Variants in SPTA1 observed in about 807,000 individuals in gnomAD.
SPTA1 encodes spectrin alpha chain, erythrocytic 1.
SPTA1 carries 177 observed loss-of-function variants against 324.7 expected under a neutral mutation model. The ratio of observed to expected loss-of-function variants is 0.55; its 90% CI spans 0.48 to 0.62. The LOEUF is 0.62. Among genes scored for constraint, SPTA1 ranks in the 20% least tolerant of loss-of-function variants. The probability of loss-of-function intolerance (pLI) is 0.00; values close to 1 mark genes in which losing one functional copy is unlikely to be tolerated. For missense variants in SPTA1, 3,162 were observed against 2,883.6 expected, an observed-to-expected ratio of 1.10 and a Z score of -2.21; for synonymous variants, 1,195 against 1,041.3, an observed-to-expected ratio of 1.15 and a Z score of -2.84.
chr1:158,649,786 T>C (rs960739526), intron 25 of SPTA1, 70 bp downstream of exon 25: 30 of 1,245,456 alleles, frequency 2.4e-5, no homozygotes, highest in South Asian at 3.7e-5. Context: ...GGTTCCACCA[T>C]AGTAATAGAC....
At chr1:158,675,957 G>A (rs1460521519) in intron 8 of SPTA1, among the ~76,000 whole-genome samples, 184 bp downstream of exon 8, 1 of 152,116 alleles carries the variant, frequency 6.6e-6, no homozygotes, top group East Asian at 1.9e-4. Context: ...AGATAAGGGG[G>A]TGCTACTATA....
At chr1:158,651,495 G>C in intron 23 of SPTA1, 27 bp from the exon 24 acceptor site, 1 of 1,478,622 alleles carries the variant, frequency 6.8e-7, no homozygotes, top group Non-Finnish European at 9.5e-7. Flanking sequence ...ATCCAAAGCA[G>C]TGTAAATTCA....
At chr1:158,655,800 T>G (rs1652787250) in intron 20 of SPTA1, among the ~76,000 whole-genome samples, 1 of 152,202 alleles carries the variant, frequency 6.6e-6, no homozygotes, top group Admixed American at 6.5e-5. Flanking sequence ...AGTTTTGCCC[T>G]GTACCTGAGC....
At position 158,662,609 on chromosome 1, in the gene SPTA1, C is replaced by T. The variant is rs927620652; in HGVS notation, c.2464+93G>A. On this transcript the variant is annotated intron_variant, in intron 17 of 51. Transcript: ENST00000643759. The stretch of plus-strand genomic sequence containing the variant: ...GTGAGAAGAAACAGCTAAGAGCAAG[C>T]TTTCTAGACTCCAACTACTGTACCC... 1.7e-5 allele frequency: 26 copies of T among 1,571,550 alleles called. 1 individual carries two copies. In the South Asian group the frequency reaches 2.8e-4, roughly 17 times the overall value.
Position 158,620,451 on chromosome 1 carries a change from C to T in SPTA1, c.6136G>A (p.Val2046Met), listed in dbSNP as rs202105292. 6.3e-5 allele frequency: 101 copies of T among 1,612,926 alleles called. No homozygotes were observed. The highest frequency in any genetic ancestry group is 1.6e-4 in the East Asian group (7 of 44,882). The change falls in exon 44 of 52, where the codon GTG becomes ATG. Residue 2046 changes from valine to methionine, a missense_variant. Transcript: ENST00000643759. ...GCTGAAGCCTTATGTGCAAATTCCA[C>T]GAACAGGTCCTCAGCCTGCAGAGAG... The part of the protein sequence containing the change: ...LPLQKAEDLF[V>M]EFAHKASALN...
intron 11 of SPTA1, 117 bp downstream of exon 11, chr1:158,671,942 T>C: frequency 7.5e-7 from 1 of 1,342,256 alleles, no homozygotes. Flanking sequence ...CACCCTTTAG[T>C]TCCCAAGACA....
chr1:158,629,187 C>CTCTATCTATCTATCTATCTA (rs71084281), intron 39 of SPTA1, among the ~76,000 whole-genome samples: 5 of 148,248 alleles, frequency 3.4e-5, no homozygotes, highest in East Asian at 2.0e-4. Flanking sequence ...CAAAATATAT[C>CTCTATCTATCTATCTATCTA]TCTATCTATC....
intron 2 of SPTA1, 97 bp from the exon 3 acceptor site, chr1:158,683,593 G>C (rs1434349645): frequency 6.6e-6 from 10 of 1,521,844 alleles, no homozygotes; most frequent in Non-Finnish European, 9.0e-6. Context: ...TTCTCAAAGG[G>C]TCCCAGACTC....
At chr1:158,636,283 C>T (rs969115693) in intron 37 of SPTA1, among the ~76,000 whole-genome samples, 4 of 152,116 alleles carry the variant, frequency 2.6e-5, no homozygotes, top group African/African-American at 9.7e-5. Flanking sequence ...TCTGCTTTTT[C>T]GTCTATTCAT....
chr1:158,665,213 C>CA (rs1342472180), intron 16 of SPTA1, among the ~76,000 whole-genome samples: 2 of 152,114 alleles, frequency 1.3e-5, no homozygotes, highest in Non-Finnish European at 2.9e-5. Flanking sequence ...AAAAATTAAA[C>CA]AAATTATACC....
chr1:158,612,584 C>A, intron 51 of SPTA1: 19 of 517,142 alleles, frequency 3.7e-5, no homozygotes, highest in South Asian at 8.5e-5. Flanking sequence ...GCCTTAAAAA[C>A]TGAGTTGCAG....
At chr1:158,624,550 G>C (rs1364045713) in intron 42 of SPTA1, among the ~76,000 whole-genome samples, 4 of 152,156 alleles carry the variant, frequency 2.6e-5, no homozygotes, top group Admixed American at 2.6e-4. Flanking sequence ...TTTGGAATTA[G>C]TATATTTACC....
intron 50 of SPTA1, 34 bp downstream of exon 50, chr1:158,613,687 C>T: frequency 1.9e-6 from 3 of 1,613,262 alleles, no homozygotes; most frequent in Non-Finnish European, 2.5e-6. Flanking sequence ...AACCCCCATC[C>T]CTGCTGCGGT....
intron 3 of SPTA1, 136 bp downstream of exon 3, chr1:158,683,235 T>C: frequency 7.8e-7 from 1 of 1,278,376 alleles, no homozygotes; most frequent in Non-Finnish European, 1.1e-6. Context: ...TTTTTATGCC[T>C]CAACCCCAGG....
chr1:158,680,532 C>T (rs1445034286), intron 5 of SPTA1, 51 bp downstream of exon 5: 1 of 1,612,074 alleles, frequency 6.2e-7, no homozygotes, highest in South Asian at 1.1e-5. Context: ...AGAAGTTATT[C>T]TTAAGGATAA....
intron 33 of SPTA1, among the ~76,000 whole-genome samples, chr1:158,642,114 A>G (rs1348731996): frequency 1.3e-5 from 2 of 151,582 alleles, no homozygotes; most frequent in South Asian, 2.1e-4. Context: ...AACAATGAGA[A>G]CACATGGACA....
intron 16 of SPTA1, among the ~76,000 whole-genome samples, chr1:158,665,451 G>A (rs916897786): frequency 1.3e-5 from 2 of 152,120 alleles, no homozygotes; most frequent in African/African-American, 4.8e-5. Context: ...AGATTAGTGG[G>A]ATCTTCTAGG....
chr1:158,643,304 C>A lies in SPTA1; in HGVS notation c.4442+18G>T. On this transcript the variant is annotated intron_variant, in intron 31 of 51. Transcript: ENST00000643759. The stretch of plus-strand genomic sequence containing the variant: ...CTATATCTTCCTTTGGCACATAAAA[C>A]AATCACTCAGGCCTGACCTGTCTAG... 1 of 1,613,468 alleles carries A rather than the reference C, an allele frequency of 6.2e-7. No homozygotes were observed. Among genetic ancestry groups the A allele is most frequent in the Non-Finnish European group, 8.5e-7 (1 of 1,179,606 alleles).
chr1:158,666,332 G>A lies in SPTA1; in HGVS notation c.2204C>T (p.Ala735Val), dbSNP rs377362395. Residue 735 changes from alanine (A) to valine (V), a missense_variant, in exon 16 of 52, where the codon GCT becomes GTT. By Grantham distance (64) the Ala-to-Val change is moderately conservative (BLOSUM62 0). Coordinates refer to ENST00000643759, the MANE Select transcript of SPTA1 (RefSeq NM_003126.4). ...RLRKHGLLESAVAARQDQVDI... is the reference protein window; with the variant it reads ...RLRKHGLLESVVAARQDQVDI... ...ACAACAAACCTGACGAGCAGCCACA[G>A]CCGACTCCAGGAGGCCGTGTTTCCT... 5.6e-6 allele frequency: 9 copies of A among 1,613,632 alleles called. No individual in the cohort carries two copies. In the African/African-American group the frequency reaches 1.2e-4, roughly 22 times the overall value.
Sources: allele counts gnomAD v4.1 joint callset (sites outside exome capture counted in the v4.1 genomes callset), GRCh38; gene constraint gnomAD v4.1.1; transcripts MANE v1.5; gene names NCBI Gene and HGNC (gene_info 2026-07-23, HGNC 2026-07-21).